The following SELENOK variants were observed in gnomAD, a reference collection of about 807,000 sequenced individuals.
SELENOK encodes selenoprotein K.
A neutral mutation model predicts 17.3 loss-of-function variants in SELENOK; 11 were observed. That is an observed-to-expected ratio of 0.63 (90% CI 0.40 to 1.05). SELENOK has a LOEUF of 1.05. SELENOK is among the 50% of genes least tolerant of loss of function. SELENOK has a pLI of 0.00. For synonymous variants in SELENOK, 45 were observed against 35.4 expected (o/e 1.27, Z -0.97); for missense variants, 125 against 113.9 (o/e 1.10, Z -0.44).
intron 1 of SELENOK, 91 bp downstream of exon 1, chr3:53,891,679 C>G (rs1003695311): frequency 9.1e-6 from 14 of 1,540,174 alleles, no homozygotes; most frequent in South Asian, 6.8e-5. Flanking sequence ...GAAGCCGCAC[C>G]GGGCTCAAGA....
In SELENOK at chr3:53,886,456, G is replaced by A. The variant is rs138041693; in HGVS notation, c.194+395C>T. Among the ~76,000 whole-genome samples the A allele has an allele frequency of 6.4e-3, 973 of 152,162 alleles. 12 individuals carry two copies. Among genetic ancestry groups the A allele is most frequent in the African/African-American group, 0.022 (925 of 41,506 alleles). On this transcript the variant is annotated intron_variant, in intron 3 of 4. Coordinates refer to ENST00000495461, the MANE Select transcript of SELENOK (RefSeq NM_021237.5). ...TCATCATGTTGGTCAGGATGGTCTC[G>A]ATCTCTTGACCTCGTGATCCACCCG...
At chr3:53,886,655 A>G (rs1345022317) in intron 3 of SELENOK, among the ~76,000 whole-genome samples, 196 bp downstream of exon 3, 3 of 152,236 alleles carry the variant, frequency 2.0e-5, no homozygotes, top group African/African-American at 7.2e-5. Context: ...TATTTCATGT[A>G]TATTTTAGCT....
At position 53,888,660 on chromosome 3, in the gene SELENOK, G is replaced by A. The variant is rs760524250; in HGVS notation, c.20-177C>T. Among the ~76,000 whole-genome samples the A allele has an allele frequency of 5.9e-5, 9 of 152,208 alleles. No individual in the cohort carries two copies. The East Asian group carries it at 1.5e-3, about 26-fold the overall frequency. ...CCAAGGAAAGGTTCGGAGAAGTAAT[G>A]TTCCATTATCTAGGGACATTCCTCC... On this transcript the variant is annotated intron_variant, in intron 1 of 4. Transcript: ENST00000495461.
chr3:53,890,048 C>T (rs1700156230), intron 1 of SELENOK, among the ~76,000 whole-genome samples: 1 of 152,216 alleles, frequency 6.6e-6, no homozygotes. Flanking sequence ...TAACCCCACT[C>T]ACCTCTACCC....
chr3:53,890,856 C>T (rs1479582674), intron 1 of SELENOK: 1 of 152,222 alleles, frequency 6.6e-6, no homozygotes, highest in African/African-American at 2.4e-5. Context: ...AAACAGATGA[C>T]TCAAATAGAA....
chr3:53,884,766 G>A lies in SELENOK; in HGVS notation c.*792C>T, dbSNP rs1700111743. On this transcript the variant is annotated 3_prime_UTR_variant, in exon 5 of 5. Coordinates refer to ENST00000495461, the MANE Select transcript of SELENOK (RefSeq NM_021237.5). ...AGCGATTCTCCTGCCTCCGCCTCCT[G>A]AGTAGCAGGGATTACAGGTGCACTC... is the stretch of plus-strand genomic sequence containing the variant. 1.3e-5 allele frequency: 2 copies of A among 152,234 alleles called. No individual in the cohort carries two copies. Among genetic ancestry groups the A allele is most frequent in the African/African-American group, 4.8e-5 (2 of 41,446 alleles). The allele number at this position is 152,234 out of a possible 1,614,324, so 9.4% of individuals were successfully genotyped here.
chr3:53,888,831 C>A (rs1045368314), intron 1 of SELENOK, among the ~76,000 whole-genome samples: 1 of 151,892 alleles, frequency 6.6e-6, no homozygotes, highest in Admixed American at 6.6e-5. Context: ...CCGAGGCAGG[C>A]GGATCATGAG....
intron 1 of SELENOK, among the ~76,000 whole-genome samples, chr3:53,889,722 G>A (rs749342059): frequency 1.6e-4 from 24 of 152,054 alleles, no homozygotes; most frequent in Non-Finnish European, 2.6e-4. Flanking sequence ...AAAAGATTGC[G>A]TATTCATACT....
rs1576872671 is a variant in SELENOK at position 53,885,468 on chromosome 3, A to C, written c.*90T>G. ...CTTGTTTAGACATACACATTCATCT[A>C]CTGCTCATCATGGTCAGCCTTCCAC... On this transcript the variant is annotated 3_prime_UTR_variant, in exon 5 of 5. Coordinates refer to ENST00000495461, the MANE Select transcript of SELENOK (RefSeq NM_021237.5). 1.8e-5 allele frequency: 23 copies of C among 1,252,662 alleles called. No homozygotes were observed. In the East Asian group the frequency reaches 5.3e-4, roughly 29 times the overall value. 77.6% of individuals were successfully genotyped at this position (1,252,662 alleles called of 1,614,324 possible). A position where few individuals can be genotyped will look rare whatever the true frequency, so the allele number is the denominator to read the frequency against.
chr3:53,887,867 G>A (rs4687758), intron 2 of SELENOK: 46,635 of 152,100 alleles, frequency 0.31, 7,363 homozygotes, highest in East Asian at 0.48. Context: ...CTAACAAACA[G>A]CATGTAAAAG....
At chr3:53,885,608 T>C (rs750061876) in intron 4 of SELENOK, 47 bp from the exon 5 acceptor site, 2 of 1,581,618 alleles carry the variant, frequency 1.3e-6, no homozygotes, top group Non-Finnish European at 1.7e-6. Context: ...TTAATTTGGA[T>C]CTGTGTGAAA....
intron 1 of SELENOK, 118 bp downstream of exon 1, chr3:53,891,652 G>C: frequency 7.3e-7 from 1 of 1,362,176 alleles, no homozygotes; most frequent in South Asian, 1.2e-5. Context: ...GCCCGGCCGC[G>C]GGGCGCTAAG....
chr3:53,888,515 G>C, intron 1 of SELENOK, 32 bp from the exon 2 acceptor site: 1 of 1,449,610 alleles, frequency 6.9e-7, no homozygotes, highest in South Asian at 1.1e-5. Context: ...ACTTTAGTGA[G>C]TGCTACAAAT....
At chr3:53,890,876 A>T (rs1451667478) in intron 1 of SELENOK, 1 of 152,260 alleles carries the variant, frequency 6.6e-6, no homozygotes, top group East Asian at 1.9e-4. Flanking sequence ...ACCAAGACCT[A>T]GTTCCAATGA....
Position 53,884,791 on chromosome 3 carries a change from C to T in SELENOK, c.*767G>A, listed in dbSNP as rs1421391237. The T allele has an allele frequency of 6.6e-6, 1 of 152,230 alleles. No homozygotes were observed. Among genetic ancestry groups the T allele is most frequent in the Admixed American group, 6.5e-5 (1 of 15,274 alleles). 9.4% of individuals were successfully genotyped at this position (152,230 alleles called of 1,614,324 possible). On this transcript the variant is annotated 3_prime_UTR_variant, in exon 5 of 5. Coordinates refer to ENST00000495461, the MANE Select transcript of SELENOK (RefSeq NM_021237.5). Reference sequence around the variant, plus strand: ...GAGTAGCAGGGATTACAGGTGCACTCTACCACGCCTGGCTAATTTTTGTTA... The same window carrying T: ...GAGTAGCAGGGATTACAGGTGCACTTTACCACGCCTGGCTAATTTTTGTTA...
At chr3:53,889,065 A>G (rs1248948227) in intron 1 of SELENOK, among the ~76,000 whole-genome samples, 1 of 152,122 alleles carries the variant, frequency 6.6e-6, no homozygotes, top group Non-Finnish European at 1.5e-5. Flanking sequence ...AACAAAAAAC[A>G]ACAAAAAAAC....
intron 1 of SELENOK, 28 bp downstream of exon 1, chr3:53,891,742 T>G: frequency 6.2e-7 from 1 of 1,613,724 alleles, no homozygotes; most frequent in Non-Finnish European, 8.5e-7. Flanking sequence ...AAGTCACCGG[T>G]CGAAGCCACA....
At position 53,885,574 on chromosome 3, in the gene SELENOK, G is replaced by A. The variant is rs1181599587; in HGVS notation, c.282-13C>T. ...AGCAGACATTTACCTGAAAGAAAAT[G>A]TTACAATAATTAGTTACTGGTTATT... is the stretch of plus-strand genomic sequence containing the variant. On this transcript the variant is annotated splice_polypyrimidine_tract_variant and intron_variant, in intron 4 of 4. Transcript: ENST00000495461. 1.2e-6 allele frequency: 2 copies of A among 1,609,106 alleles called. No individual in the cohort carries two copies. Among genetic ancestry groups the A allele is most frequent in the Non-Finnish European group, 1.7e-6 (2 of 1,176,798 alleles).
chr3:53,890,945 A>G (rs754375563), intron 1 of SELENOK: 1 of 152,294 alleles, frequency 6.6e-6, no homozygotes, highest in Non-Finnish European at 1.5e-5. Flanking sequence ...ACAGGTGGGC[A>G]GGCAGCTCTA....
Sources: gnomAD v4.1 joint callset for allele counts (sites outside exome capture counted in the v4.1 genomes callset) on GRCh38, gnomAD v4.1.1 for gene constraint, MANE v1.5 for transcripts, NCBI Gene and HGNC (gene_info 2026-07-23, HGNC 2026-07-21) for gene names.